FILIP1L: variants seen among roughly 807,000 people sequenced by gnomAD.
FILIP1L encodes the protein filamin A interacting protein 1 like.
Under a neutral mutation model 96.6 loss-of-function variants are expected in FILIP1L, and 55 were observed. That is an observed-to-expected ratio of 0.57 (90% confidence interval 0.46 to 0.71). The LOEUF (loss-of-function observed/expected upper bound fraction) is 0.71. Among genes scored for constraint, FILIP1L ranks in the 30% least tolerant of loss-of-function variants. FILIP1L has a pLI of 0.00. For synonymous variants in FILIP1L, 467 were observed against 473.9 expected (o/e 0.99, Z 0.19); for missense variants, 1,304 against 1,321.2 (o/e 0.99, Z 0.20).
At chr3:99,941,189 T>C (rs1211995413) in intron 1 of FILIP1L, among the ~76,000 whole-genome samples, 1 of 152,144 alleles carries the variant, frequency 6.6e-6, no homozygotes, top group Admixed American at 6.5e-5. Context: ...ATTCCTTACG[T>C]CTTTTTTTTT....
intron 4 of FILIP1L, among the ~76,000 whole-genome samples, chr3:99,900,885 T>G (rs1342457320): frequency 6.6e-6 from 1 of 152,172 alleles, no homozygotes; most frequent in Non-Finnish European, 1.5e-5. Flanking sequence ...AGCACTGATC[T>G]AAAGGAAAAT....
intron 1 of FILIP1L, among the ~76,000 whole-genome samples, chr3:100,007,717 G>A (rs1022989198): frequency 6.6e-6 from 1 of 152,150 alleles, no homozygotes; most frequent in South Asian, 2.1e-4. Context: ...TATCGTGTAG[G>A]CAAAATGGGC....
chr3:99,883,302 AC>A (rs1232408206), intron 4 of FILIP1L, among the ~76,000 whole-genome samples: 11 of 152,166 alleles, frequency 7.2e-5, no homozygotes, highest in African/African-American at 2.7e-4. Context: ...TCTTTCCATG[AC>A]ACCATGTTGA....
At chr3:99,956,179 C>T (rs768663147) in intron 1 of FILIP1L, among the ~76,000 whole-genome samples, 10 of 152,148 alleles carry the variant, frequency 6.6e-5, no homozygotes, top group Non-Finnish European at 1.3e-4. Flanking sequence ...GCCCTTTCTT[C>T]CACTTATTCC....
At chr3:99,886,414 A>AAAAAAAAAAATCGG (rs1705898874) in intron 4 of FILIP1L, among the ~76,000 whole-genome samples, 1 of 142,170 alleles carries the variant, frequency 7.0e-6, no homozygotes, top group African/African-American at 2.8e-5. Flanking sequence ...ACCTGATGAG[A>AAAAAAAAAAATCGG]AAAAAAAAAA....
At chr3:100,080,604 G>C (rs1227534911) in intron 1 of FILIP1L, among the ~76,000 whole-genome samples, 1 of 152,190 alleles carries the variant, frequency 6.6e-6, no homozygotes, top group Non-Finnish European at 1.5e-5. Context: ...GCTGAAACTG[G>C]TTAGGTATGA....
chr3:100,065,050 A>G (rs2065640721), intron 1 of FILIP1L, among the ~76,000 whole-genome samples: 1 of 152,194 alleles, frequency 6.6e-6, no homozygotes, highest in South Asian at 2.1e-4. Context: ...TTCTTGCTTT[A>G]GGGTCAGTCT....
In FILIP1L at chr3:99,830,492, G is replaced by A. The variant is rs1448921742; in HGVS notation, c.3495C>T (p.Tyr1165=). The A allele has an allele frequency of 2.2e-6, 1 of 456,688 alleles. No individual in the cohort carries two copies. Among genetic ancestry groups the A allele is most frequent in the East Asian group, 6.9e-5 (1 of 14,392 alleles). The allele number at this position is 456,688 out of a possible 1,614,324, so 28.3% of individuals were successfully genotyped here. A position where few individuals can be genotyped will look rare whatever the true frequency, so the allele number is the denominator to read the frequency against. The change falls in exon 6 of 6, where the codon TAC becomes TAT. Residue 1165 remains tyrosine, a synonymous_variant. Coordinates refer to ENST00000477258, the MANE Select transcript of FILIP1L (RefSeq NM_001387850.1). The part of the protein sequence containing the change: ...APTVPMDKPI[Y]QNGCGKLHIV... ...TGTGTAGCTTCCCACAGCCATTTTGGTAAATAGGCTTATCCATAGGCACTG... is the reference window on the plus strand; with the variant it reads ...TGTGTAGCTTCCCACAGCCATTTTGATAAATAGGCTTATCCATAGGCACTG...
At chr3:100,020,915 G>T (rs1452841107) in intron 1 of FILIP1L, among the ~76,000 whole-genome samples, 1 of 151,956 alleles carries the variant, frequency 6.6e-6, no homozygotes, top group African/African-American at 2.4e-5. Flanking sequence ...CTACAGGCAT[G>T]CGCCATCATG....
Position 99,912,172 on chromosome 3 carries a change from G to A in FILIP1L, c.605+12058C>T, listed in dbSNP as rs184826675. Among the ~76,000 whole-genome samples, 578 of 152,264 alleles carry A rather than the reference G, an allele frequency of 3.8e-3. 3 individuals carry two copies. The highest frequency in any genetic ancestry group is 0.013 in the African/African-American group (548 of 41,554). ...GTTTTATTCAGCCATAAAAAGGAAT[G>A]AAGTATACTGATACATGTTACAACA... is the stretch of plus-strand genomic sequence containing the variant. On this transcript the variant is annotated intron_variant, in intron 4 of 5. Coordinates refer to ENST00000477258, the MANE Select transcript of FILIP1L (RefSeq NM_001387850.1).
At chr3:99,994,537 C>G (rs1377740491) in intron 1 of FILIP1L, among the ~76,000 whole-genome samples, 2 of 152,172 alleles carry the variant, frequency 1.3e-5, no homozygotes, top group East Asian at 3.8e-4. Flanking sequence ...CAAATATCTT[C>G]TCAGAACACA....
chr3:100,013,987 C>T (rs922355519), intron 1 of FILIP1L, among the ~76,000 whole-genome samples: 3 of 152,068 alleles, frequency 2.0e-5, no homozygotes, highest in African/African-American at 7.2e-5. Flanking sequence ...TCCCACTGCC[C>T]CTTGCTCCTG....
At chr3:100,037,704 A>G (rs2065131202) in intron 1 of FILIP1L, among the ~76,000 whole-genome samples, 1 of 152,174 alleles carries the variant, frequency 6.6e-6, no homozygotes, top group African/African-American at 2.4e-5. Flanking sequence ...CTGTCCTGAT[A>G]AGTTTCTCTA....
At chr3:99,952,604 T>C (rs897100835) in intron 1 of FILIP1L, among the ~76,000 whole-genome samples, 2 of 152,196 alleles carry the variant, frequency 1.3e-5, no homozygotes, top group African/African-American at 2.4e-5. Flanking sequence ...TTGGTTCTTA[T>C]AGGCATAGAT....
rs370665890 is a variant in FILIP1L, at chr3:99,829,323, G to C, written c.*1091C>G. Among the ~76,000 whole-genome samples, 21 of 152,176 alleles carry C rather than the reference G, an allele frequency of 1.4e-4. No homozygotes were observed. Among genetic ancestry groups the C allele is most frequent in the African/African-American group, 5.1e-4 (21 of 41,522 alleles). ...GTCTTAAAATGTCCTGTATTACTCT[G>C]TCCACACTGAATTACAGGCACACCT... On this transcript the variant is annotated 3_prime_UTR_variant, in exon 6 of 6. Transcript: ENST00000477258.
intron 1 of FILIP1L, among the ~76,000 whole-genome samples, chr3:100,068,676 G>C (rs575494187): frequency 6.6e-6 from 1 of 152,056 alleles, no homozygotes; most frequent in African/African-American, 2.4e-5. Flanking sequence ...TACCCAGGCT[G>C]GAGTGCAGTT....
chr3:99,951,785 G>A (rs1214797515), intron 1 of FILIP1L, among the ~76,000 whole-genome samples: 1 of 152,100 alleles, frequency 6.6e-6, no homozygotes, highest in African/African-American at 2.4e-5. Flanking sequence ...AAATATTTTA[G>A]GTTTTGCAGT....
At chr3:100,007,218 A>G (rs769581026) in intron 1 of FILIP1L, among the ~76,000 whole-genome samples, 5 of 152,130 alleles carry the variant, frequency 3.3e-5, no homozygotes, top group African/African-American at 4.8e-5. Flanking sequence ...TTTTCTCTTC[A>G]TGACCATGAA....
intron 4 of FILIP1L, chr3:99,876,237 T>TC: frequency 1.0e-6 from 1 of 985,050 alleles, no homozygotes; most frequent in Non-Finnish European, 1.2e-6. Flanking sequence ...TATAAGGCGC[T>TC]CCGCGTGTGC....
Sources: gnomAD v4.1 joint callset for allele counts (sites outside exome capture counted in the v4.1 genomes callset) on GRCh38, gnomAD v4.1.1 for gene constraint, MANE v1.5 for transcripts, NCBI Gene and HGNC (gene_info 2026-07-23, HGNC 2026-07-21) for gene names.